Variants in DSE observed in about 807,000 individuals in gnomAD.
The protein encoded by DSE is dermatan-sulfate epimerase.
DSE carries 36 observed loss-of-function variants against 84.4 expected under a neutral mutation model. The observed-to-expected ratio is 0.43, with a 90% CI of 0.33 to 0.56. The LOEUF (loss-of-function observed/expected upper bound fraction) is 0.56. Ranked by LOEUF, DSE falls within the 20% of genes least tolerant of loss-of-function variation. The probability of loss-of-function intolerance (pLI) is 0.06; values close to 1 mark genes in which losing one functional copy is unlikely to be tolerated. For synonymous variants in DSE, 410 were observed against 430.1 expected (o/e 0.95, Z 0.58); for missense variants, 862 against 1,169.6 (o/e 0.74, Z 3.84).
intron 2 of DSE, among the ~76,000 whole-genome samples, chr6:116,416,691 T>A (rs530002500): frequency 1.3e-5 from 2 of 152,196 alleles, no homozygotes; most frequent in Non-Finnish European, 2.9e-5. Context: ...CTGGCCACTG[T>A]CCATCATCCT....
At chr6:116,409,240 C>T (rs1045233296) in intron 2 of DSE, among the ~76,000 whole-genome samples, 7 of 152,260 alleles carry the variant, frequency 4.6e-5, no homozygotes, top group African/African-American at 1.2e-4. Flanking sequence ...AATGTATGCA[C>T]ATATTCACTT....
Position 116,356,038 on chromosome 6 carries a change from A to T in DSE, c.-53-43160A>T, listed in dbSNP as rs576477764. The stretch of plus-strand genomic sequence containing the variant: ...ACATGACTATTGCTTCCCTTATTCA[A>T]CCCACCCCTGAATGGCATGAAGGCT... On this transcript the variant is annotated intron_variant, in intron 2 of 3. Transcript: ENST00000430252. Among the ~76,000 whole-genome samples the T allele has an allele frequency of 2.0e-5, 3 of 152,218 alleles. No individual in the cohort carries two copies. The South Asian group carries it at 6.2e-4, about 32-fold the overall frequency.
At chr6:116,295,343 C>T (rs1774593681) in intron 2 of DSE, among the ~76,000 whole-genome samples, 2 of 152,230 alleles carry the variant, frequency 1.3e-5, no homozygotes, top group South Asian at 4.1e-4. Flanking sequence ...GACTTTGAGA[C>T]TCGCTGTGGA....
intron 2 of DSE, among the ~76,000 whole-genome samples, chr6:116,360,058 C>A (rs1778799968): frequency 6.6e-6 from 1 of 152,168 alleles, no homozygotes; most frequent in African/African-American, 2.4e-5. Flanking sequence ...ATGTCCTTTG[C>A]AGAGTCATGG....
At chr6:116,412,889 TC>T (rs1169655994) in intron 2 of DSE, 1 of 151,634 alleles carries the variant, frequency 6.6e-6, no homozygotes, top group African/African-American at 2.4e-5. Flanking sequence ...TGTCTTTTGT[TC>T]CTGTATGTCC....
chr6:116,415,031 T>G (rs1028158974), intron 2 of DSE, among the ~76,000 whole-genome samples: 1 of 152,230 alleles, frequency 6.6e-6, no homozygotes, highest in Non-Finnish European at 1.5e-5. Context: ...TGTACAGCCA[T>G]CTTTGTTCCT....
In DSE at chr6:116,319,221, ACCCTTGT is replaced by A. The variant is rs1270167131; in HGVS notation, c.-54+60255_-54+60261del. Among the ~76,000 whole-genome samples the A allele has an allele frequency of 6.6e-5, 10 of 152,350 alleles. No individual in the cohort carries two copies. In the East Asian group the frequency reaches 1.7e-3, roughly 26 times the overall value. Reference sequence around the variant, plus strand: ...ATTTCTCACAGATTAGTTAACATACACCCTTGTATTAGTCAGAGTAGATAGGTTATGC... The same window carrying A: ...ATTTCTCACAGATTAGTTAACATACAATTAGTCAGAGTAGATAGGTTATGC... On this transcript the variant is annotated intron_variant, in intron 2 of 3. Transcript: ENST00000430252.
At chr6:116,349,432 C>A (rs1338732816) in intron 2 of DSE, among the ~76,000 whole-genome samples, 3 of 152,162 alleles carry the variant, frequency 2.0e-5, no homozygotes. Context: ...ACCACTGGAC[C>A]TTTTCTTATC....
chr6:116,441,616 G>A lies in DSE; in HGVS notation c.*4271G>A, dbSNP rs144983047. On this transcript the variant is annotated 3_prime_UTR_variant, in exon 6 of 6. Transcript: ENST00000644252. ...AAAGTCAGGGTAAGGAGACTGGGAA[G>A]AGGAGGCCATAATTTTAAATGTGGT... 6.6e-6 allele frequency: 1 copy of A among 152,332 alleles called. No individual in the cohort carries two copies. Among genetic ancestry groups the A allele is most frequent in the African/African-American group, 2.4e-5 (1 of 41,578 alleles). The allele number at this position is 152,332 out of a possible 1,614,324, so 9.4% of individuals were successfully genotyped here. A position where few individuals can be genotyped will look rare whatever the true frequency, so the allele number is the denominator to read the frequency against.
At chr6:116,279,191 C>T (rs1683805805) in intron 2 of DSE, 1 of 1,611,348 alleles carries the variant, frequency 6.2e-7, no homozygotes, top group Non-Finnish European at 8.5e-7. Context: ...TCCTCCCTCG[C>T]CTCCTCCTCC....
chr6:116,384,850 G>A (rs888279419), intron 1 of DSE, among the ~76,000 whole-genome samples: 2 of 152,060 alleles, frequency 1.3e-5, no homozygotes, highest in African/African-American at 4.8e-5. Flanking sequence ...GGAGAGCCAA[G>A]CACACAAAAT....
rs967954984 is a variant in DSE, at chr6:116,259,323, C to G, written c.-54+356C>G. ...TTAAATGGTTATACCTGTAGACTTA[C>G]CAGTGTATGAAACTACTGATGCAAC... On this transcript the variant is annotated intron_variant, in intron 2 of 3. Transcript: ENST00000430252. The G allele has an allele frequency of 2.7e-5, 13 of 475,732 alleles. No homozygotes were observed. The Admixed American group carries it at 3.4e-4, about 12-fold the overall frequency. 29.5% of individuals were successfully genotyped at this position (475,732 alleles called of 1,614,324 possible). A position where few individuals can be genotyped will look rare whatever the true frequency, so the allele number is the denominator to read the frequency against.
intron 1 of DSE, among the ~76,000 whole-genome samples, chr6:116,375,315 A>G (rs1190610348): frequency 1.4e-5 from 2 of 145,830 alleles, no homozygotes; most frequent in African/African-American, 4.8e-5. Flanking sequence ...ATGCTTTTAA[A>G]AATTAAACTG....
intron 2 of DSE, among the ~76,000 whole-genome samples, chr6:116,349,943 A>T (rs1323318436): frequency 6.6e-6 from 1 of 152,196 alleles, no homozygotes; most frequent in Non-Finnish European, 1.5e-5. Flanking sequence ...TTGTCTCCTC[A>T]CTTGGCCATA....
At chr6:116,410,154 AG>A (rs1159407862) in intron 2 of DSE, among the ~76,000 whole-genome samples, 3 of 152,210 alleles carry the variant, frequency 2.0e-5, no homozygotes, top group African/African-American at 7.2e-5. Flanking sequence ...GAAAAATAAA[AG>A]TAGAATATTA....
intron 2 of DSE, among the ~76,000 whole-genome samples, chr6:116,352,660 C>G (rs1184901569): frequency 1.3e-5 from 2 of 151,952 alleles, no homozygotes; most frequent in East Asian, 3.9e-4. Flanking sequence ...ACCACAGCCT[C>G]AGATGTTTGT....
intron 2 of DSE, among the ~76,000 whole-genome samples, chr6:116,412,101 C>G (rs1782408154): frequency 6.6e-6 from 1 of 152,100 alleles, no homozygotes; most frequent in Admixed American, 6.5e-5. Context: ...TGCCAAATTA[C>G]TTTTTAAAGA....
chr6:116,344,084 A>G (rs1488041223), intron 2 of DSE, among the ~76,000 whole-genome samples: 1 of 152,210 alleles, frequency 6.6e-6, no homozygotes, highest in East Asian at 1.9e-4. Flanking sequence ...AGTTTAGAGA[A>G]AAAAGAGTAA....
chr6:116,333,589 G>T (rs1038786112), intron 2 of DSE, among the ~76,000 whole-genome samples: 1 of 152,056 alleles, frequency 6.6e-6, no homozygotes, highest in African/African-American at 2.4e-5. Flanking sequence ...TGATCTTTAT[G>T]GTATGTACAT....
Sources: gnomAD v4.1 joint callset for allele counts (sites outside exome capture counted in the v4.1 genomes callset) on GRCh38, gnomAD v4.1.1 for gene constraint, MANE v1.5 for transcripts, NCBI Gene and HGNC (gene_info 2026-07-23, HGNC 2026-07-21) for gene names.